The following SWT1 variants were observed in gnomAD, a reference collection of about 807,000 sequenced individuals.
The protein encoded by SWT1 is SWT1 RNA endoribonuclease homolog.
A neutral mutation model predicts 107.3 loss-of-function variants in SWT1; 33 were observed. The observed-to-expected ratio is 0.31, with a 90% confidence interval of 0.23 to 0.41. The LOEUF is 0.41. Ranked by LOEUF, SWT1 falls within the 10% of genes least tolerant of loss-of-function variation. The pLI is 1.00. For synonymous variants in SWT1, 345 were observed against 348.3 expected, an observed-to-expected ratio of 0.99 and a Z score of 0.11; for missense variants, 898 against 1,028.9, an observed-to-expected ratio of 0.87 and a Z score of 1.74.
chr1:185,203,026 G>A (rs1004522109), intron 11 of SWT1, among the ~76,000 whole-genome samples: 3 of 152,116 alleles, frequency 2.0e-5, no homozygotes, highest in Admixed American at 6.5e-5. Context: ...AAATTAATTT[G>A]ATGTTTTTGT....
intron 1 of SWT1, among the ~76,000 whole-genome samples, chr1:185,159,160 G>A (rs1349697439): frequency 1.3e-5 from 2 of 152,194 alleles, no homozygotes; most frequent in African/African-American, 4.8e-5. Flanking sequence ...CTATGTAGCA[G>A]TAATATCTTA....
intron 5 of SWT1, chr1:185,177,060 G>A (rs1441245829): frequency 6.1e-6 from 6 of 982,160 alleles, no homozygotes; most frequent in South Asian, 4.7e-5. Context: ...TATAACTAAG[G>A]AGGCCAGAAG....
At chr1:185,217,815 G>A (rs1659336985) in intron 14 of SWT1, among the ~76,000 whole-genome samples, 1 of 152,006 alleles carries the variant, frequency 6.6e-6, no homozygotes, top group South Asian at 2.1e-4. Flanking sequence ...AGGCTGGTCT[G>A]GAACTCCTGC....
At position 185,216,906 on chromosome 1, in the gene SWT1, C is replaced by T. The variant is rs559677002; in HGVS notation, c.2121+2251C>T. On this transcript the variant is annotated intron_variant, in intron 14 of 18. Transcript: ENST00000367500. Reference sequence around the variant, plus strand: ...GGCAGAGGTTGCAGTGAGCTGAGATCGTGCCACTGCACTCCAGCCTGGGAG... The same window carrying T: ...GGCAGAGGTTGCAGTGAGCTGAGATTGTGCCACTGCACTCCAGCCTGGGAG... Among the ~76,000 whole-genome samples the T allele has an allele frequency of 4.0e-5, 6 of 150,266 alleles. No individual in the cohort carries two copies. The East Asian group carries it at 5.9e-4, about 15-fold the overall frequency.
At chr1:185,275,258 A>G (rs1238821698) in intron 17 of SWT1, among the ~76,000 whole-genome samples, 1 of 152,010 alleles carries the variant, frequency 6.6e-6, no homozygotes, top group African/African-American at 2.4e-5. Flanking sequence ...TGATGGTCCC[A>G]GAATGTGTGG....
At chr1:185,264,690 C>G (rs892742994) in intron 16 of SWT1, among the ~76,000 whole-genome samples, 1 of 152,142 alleles carries the variant, frequency 6.6e-6, no homozygotes, top group Non-Finnish European at 1.5e-5. Context: ...CTTATTTGAA[C>G]TCTGGCTGGC....
At chr1:185,275,233 C>T (rs939292608) in intron 17 of SWT1, among the ~76,000 whole-genome samples, 4 of 151,796 alleles carry the variant, frequency 2.6e-5, no homozygotes, top group Non-Finnish European at 5.9e-5. Flanking sequence ...TTTGGTGGCC[C>T]GTGTTCTGAT....
chr1:185,251,968 C>T (rs970028900), intron 16 of SWT1, among the ~76,000 whole-genome samples: 1 of 151,858 alleles, frequency 6.6e-6, no homozygotes, highest in South Asian at 2.1e-4. Flanking sequence ...CAACAGTCCC[C>T]AGAGTGTGAT....
rs897295330 is a variant in SWT1, at chr1:185,206,654, A to G, written c.1863A>G (p.Leu621=). ...TGTACCTGAAACCACCATGGACTCTACTACATTTACTACAGTGCTTTAAAA... is the reference window on the plus strand; with the variant it reads ...TGTACCTGAAACCACCATGGACTCTGCTACATTTACTACAGTGCTTTAAAA... ...EILYLKPPWT[L]LHLLQCFKKH... The change falls in exon 13 of 19, where the codon CTA becomes CTG. Residue 621 remains leucine (L), a synonymous_variant. Coordinates refer to ENST00000367500, the MANE Select transcript of SWT1 (RefSeq NM_017673.7). 2 of 1,602,384 alleles carry G rather than the reference A, an allele frequency of 1.2e-6. No homozygotes were observed. The highest frequency in any genetic ancestry group is 1.7e-6 in the Non-Finnish European group (2 of 1,174,516).
intron 10 of SWT1, among the ~76,000 whole-genome samples, chr1:185,199,222 C>T (rs1657666710): frequency 6.6e-6 from 1 of 152,296 alleles, no homozygotes; most frequent in Non-Finnish European, 1.5e-5. Flanking sequence ...AGGCATGAGC[C>T]ACCACGCCTG....
At chr1:185,236,072 T>C (rs778561118) in intron 16 of SWT1, among the ~76,000 whole-genome samples, 44 of 152,098 alleles carry the variant, frequency 2.9e-4, no homozygotes, top group Non-Finnish European at 5.6e-4. Context: ...AGAAAAACAT[T>C]TCATGCTCAT....
chr1:185,226,927 G>T (rs2102549673), intron 15 of SWT1: 1 of 1,126,592 alleles, frequency 8.9e-7, no homozygotes, highest in Non-Finnish European at 1.3e-6. Context: ...ACTTCTTTCT[G>T]CGGCGTCTTT....
intron 13 of SWT1, among the ~76,000 whole-genome samples, chr1:185,210,543 A>G (rs1467952987): frequency 6.6e-6 from 1 of 152,152 alleles, no homozygotes; most frequent in African/African-American, 2.4e-5. Flanking sequence ...ATCTCAAAAT[A>G]AATAAATAGC....
chr1:185,167,975 A>G (rs891642824), intron 3 of SWT1, among the ~76,000 whole-genome samples: 7 of 152,164 alleles, frequency 4.6e-5, no homozygotes, highest in African/African-American at 1.4e-4. Context: ...TTATTATTTT[A>G]TGTAAAACTA....
intron 16 of SWT1, 59 bp downstream of exon 16, chr1:185,231,767 G>A (rs1660523862): frequency 1.4e-6 from 2 of 1,408,298 alleles, no homozygotes; most frequent in Admixed American, 3.9e-5. Flanking sequence ...TTTCTCCTAG[G>A]CTTACCAACT....
At chr1:185,265,490 CAT>C (rs1451246638) in intron 16 of SWT1, among the ~76,000 whole-genome samples, 1 of 152,134 alleles carries the variant, frequency 6.6e-6, no homozygotes, top group Admixed American at 6.5e-5. Context: ...TTATCAATAA[CAT>C]AACTTAAATT....
intron 14 of SWT1, among the ~76,000 whole-genome samples, chr1:185,217,232 A>G (rs1170575100): frequency 1.3e-5 from 2 of 152,194 alleles, no homozygotes; most frequent in Admixed American, 6.5e-5. Context: ...ATGATTTAGT[A>G]TAGTCCTTTA....
intron 18 of SWT1, among the ~76,000 whole-genome samples, chr1:185,287,075 A>G (rs1664990130): frequency 1.3e-5 from 2 of 152,216 alleles, no homozygotes; most frequent in Admixed American, 1.3e-4. Flanking sequence ...AAATAGAAAA[A>G]TTCAGAGGGT....
intron 2 of SWT1, among the ~76,000 whole-genome samples, chr1:185,161,332 C>T (rs1314283654): frequency 6.6e-6 from 1 of 152,106 alleles, no homozygotes; most frequent in East Asian, 1.9e-4. Context: ...TCAGAATGGC[C>T]AGCGCTATGT....
Sources: allele counts gnomAD v4.1 joint callset (sites outside exome capture counted in the v4.1 genomes callset), GRCh38; gene constraint gnomAD v4.1.1; transcripts MANE v1.5; gene names NCBI Gene and HGNC (gene_info 2026-07-23, HGNC 2026-07-21).